Variants in ACSF3 observed in about 807,000 individuals in gnomAD.
ACSF3 encodes malonate--CoA ligase ACSF3, mitochondrial.
ACSF3 carries 78 observed loss-of-function variants against 53.2 expected under a neutral mutation model. That is an observed-to-expected ratio of 1.47 (90% confidence interval 1.22 to 1.77). The LOEUF is 1.77. Among genes scored for constraint, ACSF3 ranks in the 40% most tolerant of loss-of-function variants. ACSF3 has a pLI of 0.00. For synonymous variants in ACSF3, 414 were observed against 333.1 expected (o/e 1.24, Z -2.65); for missense variants, 937 against 771.1 (o/e 1.22, Z -2.55).
At chr16:89,115,482 T>C (rs4782447) in intron 6 of ACSF3, among the ~76,000 whole-genome samples, 114,303 of 152,248 alleles carry the variant, frequency 0.75, 43,421 homozygotes, top group Non-Finnish European at 0.8. Context: ...CTGTGCTGTG[T>C]GCGTCAGAGC....
At chr16:89,153,997 C>T (rs1411922337) in intron 10 of ACSF3, 93 bp from the exon 11 acceptor site, 3 of 1,344,230 alleles carry the variant, frequency 2.2e-6, no homozygotes, top group Non-Finnish European at 3.1e-6. Flanking sequence ...GCTGCAGGGT[C>T]CCAGGGGCAC....
chr16:89,136,431 T>A (rs992386117), intron 8 of ACSF3: 1 of 1,030,266 alleles, frequency 9.7e-7, no homozygotes, highest in African/African-American at 1.7e-5. Flanking sequence ...TCACAGGCCA[T>A]TAGCGATGCT....
intron 8 of ACSF3, among the ~76,000 whole-genome samples, chr16:89,135,312 C>G (rs1350394182): frequency 6.6e-6 from 1 of 152,230 alleles, no homozygotes; most frequent in African/African-American, 2.4e-5. Flanking sequence ...TGGCCTGCAG[C>G]CTCTCCGCCT....
intron 8 of ACSF3, among the ~76,000 whole-genome samples, chr16:89,135,275 C>T (rs1190784237): frequency 6.6e-6 from 1 of 152,260 alleles, no homozygotes; most frequent in African/African-American, 2.4e-5. Context: ...GGATGGGCTC[C>T]TTGAGGGATG....
chr16:89,136,686 G>A, intron 8 of ACSF3: 3 of 1,287,156 alleles, frequency 2.3e-6, no homozygotes, highest in South Asian at 1.2e-5. Context: ...GAGAGGAGAG[G>A]TTGCCAGCTT....
chr16:89,102,078 T>C (rs954948377), intron 3 of ACSF3, among the ~76,000 whole-genome samples: 15 of 152,224 alleles, frequency 9.9e-5, no homozygotes, highest in African/African-American at 2.4e-4. Flanking sequence ...CTCCGTGAGA[T>C]TGGACAGAGG....
Position 89,100,251 on chromosome 16 carries a change from C to T in ACSF3, c.-20-411C>T, listed in dbSNP as rs1002621742. On this transcript the variant is annotated intron_variant, in intron 2 of 10. Coordinates refer to ENST00000614302, the MANE Select transcript of ACSF3 (RefSeq NM_001243279.3). ...CGGGGGCGGGGTCTCCAGGCCATGC[C>T]TGTTGTGAGCGGGGGCTGTGCTGAG... Among the ~76,000 whole-genome samples the T allele has an allele frequency of 3.9e-5, 6 of 152,274 alleles. No homozygotes were observed. The East Asian group carries it at 7.7e-4, about 20-fold the overall frequency.
At chr16:89,125,976 G>T (rs1481101193) in intron 7 of ACSF3, among the ~76,000 whole-genome samples, 1 of 151,644 alleles carries the variant, frequency 6.6e-6, no homozygotes, top group Non-Finnish European at 1.5e-5. Context: ...ACTTAGATCC[G>T]CAAACACGGT....
At chr16:89,145,450 C>T (rs747632101) in intron 9 of ACSF3, 49 bp downstream of exon 9, 1 of 1,608,350 alleles carries the variant, frequency 6.2e-7, no homozygotes, top group Non-Finnish European at 8.5e-7. Context: ...CGGGTGCTGC[C>T]TTCCATGTTT....
At chr16:89,149,521 G>T (rs1329761461) in intron 10 of ACSF3, 1 of 152,228 alleles carries the variant, frequency 6.6e-6, no homozygotes, top group Non-Finnish European at 1.5e-5. Flanking sequence ...CACTGGCTCA[G>T]CCCACCTGTG....
At chr16:89,133,586 C>T (rs992849899) in intron 8 of ACSF3, among the ~76,000 whole-genome samples, 1 of 152,198 alleles carries the variant, frequency 6.6e-6, no homozygotes, top group Non-Finnish European at 1.5e-5. Flanking sequence ...CCGGGCCCCA[C>T]GCAGCCCTTC....
intron 3 of ACSF3, among the ~76,000 whole-genome samples, chr16:89,102,166 C>T (rs1037605585): frequency 6.6e-5 from 10 of 152,222 alleles, no homozygotes; most frequent in Non-Finnish European, 1.2e-4. Context: ...GGTTCTGTCC[C>T]GGCTGAGCAG....
At chr16:89,105,997 C>T (rs1230582568) in intron 4 of ACSF3, among the ~76,000 whole-genome samples, 1 of 152,230 alleles carries the variant, frequency 6.6e-6, no homozygotes, top group Non-Finnish European at 1.5e-5. Context: ...CTTTCCAGTG[C>T]CCACAGGCAC....
chr16:89,138,987 G>A (rs185385525), intron 8 of ACSF3, among the ~76,000 whole-genome samples: 1,671 of 152,286 alleles, frequency 0.011, 16 homozygotes, highest in Middle Eastern at 0.017. Context: ...GCTTCTGTGC[G>A]GTCCCCGCAT....
intron 4 of ACSF3, among the ~76,000 whole-genome samples, chr16:89,106,884 G>T (rs1976051742): frequency 6.6e-6 from 1 of 152,204 alleles, no homozygotes; most frequent in Non-Finnish European, 1.5e-5. Context: ...GACGGATGGG[G>T]TTGGGGGAGA....
At chr16:89,098,045 G>A (rs536143132) in intron 1 of ACSF3, among the ~76,000 whole-genome samples, 1 of 152,170 alleles carries the variant, frequency 6.6e-6, no homozygotes, top group East Asian at 1.9e-4. Flanking sequence ...CTGCACTCCA[G>A]CCTGGGTGAC....
chr16:89,101,304 G>A lies in ACSF3; in HGVS notation c.623G>A (p.Arg208Lys), dbSNP rs749751646. The A allele has an allele frequency of 1.5e-5, 24 of 1,601,630 alleles. No homozygotes were observed. The African/African-American group carries it at 3.1e-4, about 21-fold the overall frequency. Reference sequence around the variant, plus strand: ...ATCTACACCAGTGGGACCACGGGGAGGCCCAAGGGCGTGCTGAGCACGCAC... The same window carrying A: ...ATCTACACCAGTGGGACCACGGGGAAGCCCAAGGGCGTGCTGAGCACGCAC... ...MIIYTSGTTG[R>K]PKGVLSTHQN... The change falls in exon 3 of 11, where the codon AGG becomes AAG. Residue 208 changes from arginine (R) to lysine (K), a missense_variant. Transcript: ENST00000614302.
intron 10 of ACSF3, chr16:89,149,983 A>C (rs1164540195): frequency 1.3e-5 from 2 of 152,142 alleles, no homozygotes; most frequent in African/African-American, 4.8e-5. Context: ...GTAATTTATA[A>C]AGAAAAGAGG....
intron 7 of ACSF3, among the ~76,000 whole-genome samples, chr16:89,128,803 CT>C (rs746841556): frequency 1.5e-4 from 23 of 152,166 alleles, no homozygotes; most frequent in South Asian, 1.5e-3. Flanking sequence ...AATGTGGTTT[CT>C]TTTCAGGAAT....
Sources: gnomAD v4.1 joint callset for allele counts (sites outside exome capture counted in the v4.1 genomes callset) on GRCh38, gnomAD v4.1.1 for gene constraint, MANE v1.5 for transcripts, NCBI Gene and HGNC (gene_info 2026-07-23, HGNC 2026-07-21) for gene names.